The following ETV1 variants were observed in gnomAD, a reference collection of about 807,000 sequenced individuals.
ETV1 encodes ETS translocation variant 1.
ETV1 carries 27 observed loss-of-function variants against 62.3 expected under a neutral mutation model. That is an observed-to-expected ratio of 0.43 (90% confidence interval 0.32 to 0.60). The LOEUF (loss-of-function observed/expected upper bound fraction) is 0.60. ETV1 is among the 20% of genes least tolerant of loss of function. The probability of loss-of-function intolerance (pLI) is 0.06; values close to 1 mark genes in which losing one functional copy is unlikely to be tolerated. For synonymous variants in ETV1, 222 were observed against 199.6 expected (o/e 1.11, Z -0.94); for missense variants, 605 against 605.8 (o/e 1.00, Z 0.01).
intron 9 of ETV1, among the ~76,000 whole-genome samples, chr7:13,919,231 G>A (rs1167507318): frequency 6.6e-6 from 1 of 152,080 alleles, no homozygotes; most frequent in South Asian, 2.1e-4. Flanking sequence ...GGCATAAGGG[G>A]TTACAAAACA....
At chr7:13,964,862 T>C (rs1790601168) in intron 6 of ETV1, among the ~76,000 whole-genome samples, 2 of 152,208 alleles carry the variant, frequency 1.3e-5, no homozygotes, top group South Asian at 4.1e-4. Flanking sequence ...AATCTTTCTT[T>C]TAAAATCATG....
chr7:13,896,784 G>GAAAGAAAGAA (rs1554288525), intron 13 of ETV1, among the ~76,000 whole-genome samples: 3 of 150,898 alleles, frequency 2.0e-5, no homozygotes, highest in African/African-American at 7.4e-5. Context: ...AAGAAAGAAA[G>GAAAGAAAGAA]AAAGAAAGGA....
chr7:13,979,444 ATTTT>A lies in ETV1; in HGVS notation c.182-1968_182-1965del, dbSNP rs878877667. 7.1e-3 allele frequency among the ~76,000 whole-genome samples: 1,072 copies of A among 151,348 alleles called. 52 individuals are homozygous for A. Among genetic ancestry groups the A allele is most frequent in the Admixed American group, 0.064 (968 of 15,188 alleles). On this transcript the variant is annotated intron_variant, in intron 5 of 13. Coordinates refer to ENST00000430479, the MANE Select transcript of ETV1 (RefSeq NM_004956.5). ...ATTCTCTCAGCTATTAACACAACAT[ATTTT>A]TTTGACACTGCAGAAAAAAATGTTC...
At chr7:13,958,209 C>G (rs955658747) in intron 6 of ETV1, among the ~76,000 whole-genome samples, 103 of 152,244 alleles carry the variant, frequency 6.8e-4, no homozygotes, top group African/African-American at 2.3e-3. Context: ...ACATTATACC[C>G]TTTGCTTTTT....
Position 13,976,964 on chromosome 7 carries a change from A to G in ETV1, c.235+463T>C, listed in dbSNP as rs2128500465. On this transcript the variant is annotated intron_variant, in intron 6 of 13. Transcript: ENST00000430479. The stretch of plus-strand genomic sequence containing the variant: ...AGGTGACAATTCATGAATGTACAAT[A>G]CTACAATAAGCCAATGAATGTTTGG... Among the ~76,000 whole-genome samples the G allele has an allele frequency of 1.3e-5, 2 of 152,346 alleles. 1 individual carries two copies. The highest frequency in any genetic ancestry group is 4.1e-4 in the South Asian group (2 of 4,830).
At chr7:13,967,440 C>G (rs1451043728) in intron 6 of ETV1, among the ~76,000 whole-genome samples, 1 of 152,074 alleles carries the variant, frequency 6.6e-6, no homozygotes, top group African/African-American at 2.4e-5. Flanking sequence ...GATCTTAAAG[C>G]TTAATCAGAC....
intron 9 of ETV1, among the ~76,000 whole-genome samples, chr7:13,926,607 C>A (rs1490709242): frequency 1.3e-5 from 2 of 151,624 alleles, no homozygotes; most frequent in African/African-American, 2.4e-5. Flanking sequence ...ACCATAAGGG[C>A]ATGAAAAAAA....
intron 6 of ETV1, among the ~76,000 whole-genome samples, chr7:13,944,873 G>A (rs1418290384): frequency 6.6e-6 from 1 of 152,150 alleles, no homozygotes; most frequent in Non-Finnish European, 1.5e-5. Context: ...TCTGGATAAA[G>A]AGACATGCAC....
At chr7:13,932,851 G>T (rs948554099) in intron 8 of ETV1, among the ~76,000 whole-genome samples, 1 of 152,174 alleles carries the variant, frequency 6.6e-6, no homozygotes, top group Non-Finnish European at 1.5e-5. Context: ...TTTCGGTAAT[G>T]TTAAATAAAA....
chr7:13,973,604 C>A (rs1438598888), intron 6 of ETV1, among the ~76,000 whole-genome samples: 1 of 152,008 alleles, frequency 6.6e-6, no homozygotes, highest in Non-Finnish European at 1.5e-5. Context: ...AAACAATAGT[C>A]CTTCATGTCT....
intron 6 of ETV1, among the ~76,000 whole-genome samples, chr7:13,954,112 A>T (rs569890444): frequency 6.6e-6 from 1 of 152,358 alleles, no homozygotes; most frequent in Non-Finnish European, 1.5e-5. Flanking sequence ...ATAACTACTA[A>T]AAAGGCATTT....
chr7:13,977,680 G>A (rs997552844), intron 5 of ETV1, among the ~76,000 whole-genome samples, 200 bp from the exon 6 acceptor site: 1 of 152,068 alleles, frequency 6.6e-6, no homozygotes, highest in African/African-American at 2.4e-5. Context: ...ATGTCACCTA[G>A]GAACCATATA....
chr7:13,914,183 CCGGGGGTACCTCTTTTG>C (rs1783887822), intron 9 of ETV1, among the ~76,000 whole-genome samples: 1 of 151,344 alleles, frequency 6.6e-6, no homozygotes, highest in Non-Finnish European at 1.5e-5. Context: ...CCGCGCCCGG[CCGGGGGTACCTCTTTTG>C]AGCTTCTTTT....
chr7:13,953,562 T>C (rs982737449), intron 6 of ETV1, among the ~76,000 whole-genome samples: 2 of 151,330 alleles, frequency 1.3e-5, no homozygotes, highest in Non-Finnish European at 2.9e-5. Flanking sequence ...CAGGATGAAG[T>C]ACTGAGGAAT....
At chr7:13,926,576 C>A (rs931820567) in intron 9 of ETV1, among the ~76,000 whole-genome samples, 4 of 152,092 alleles carry the variant, frequency 2.6e-5, no homozygotes, top group African/African-American at 9.7e-5. Flanking sequence ...GTGTATTTAA[C>A]ACTTCTTATG....
intron 7 of ETV1, among the ~76,000 whole-genome samples, chr7:13,936,821 G>A (rs1374133720): frequency 1.3e-5 from 2 of 152,048 alleles, no homozygotes; most frequent in African/African-American, 2.4e-5. Context: ...TGGGAGGATC[G>A]CTTAAGCACG....
intron 5 of ETV1, among the ~76,000 whole-genome samples, chr7:13,983,613 T>C (rs1488508863): frequency 1.7e-5 from 2 of 115,732 alleles, no homozygotes; most frequent in Non-Finnish European, 3.6e-5. Flanking sequence ...AATTGGCATA[T>C]TCCCTGACTT....
intron 6 of ETV1, among the ~76,000 whole-genome samples, chr7:13,948,101 C>A (rs747652594): frequency 3.9e-5 from 6 of 152,272 alleles, no homozygotes; most frequent in Middle Eastern, 3.4e-3. Context: ...TTACTGTGAC[C>A]AAAGGCATTT....
At chr7:13,960,850 A>G (rs1031402374) in intron 6 of ETV1, among the ~76,000 whole-genome samples, 1 of 152,196 alleles carries the variant, frequency 6.6e-6, no homozygotes, top group East Asian at 1.9e-4. Context: ...GGCTGAAAAT[A>G]TAAGAATCTG....
Sources: gnomAD v4.1 joint callset for allele counts (sites outside exome capture counted in the v4.1 genomes callset) on GRCh38, gnomAD v4.1.1 for gene constraint, MANE v1.5 for transcripts, NCBI Gene and HGNC (gene_info 2026-07-23, HGNC 2026-07-21) for gene names.